The following CSMD1 variants were observed in gnomAD, a reference collection of about 807,000 sequenced individuals.
CSMD1 encodes the protein CUB and sushi domain-containing protein 1.
CSMD1 carries 213 observed loss-of-function variants against 417.5 expected under a neutral mutation model. The ratio of observed to expected loss-of-function variants is 0.51; its 90% CI spans 0.46 to 0.57. CSMD1 has a LOEUF of 0.57. Among genes scored for constraint, CSMD1 ranks in the 20% least tolerant of loss-of-function variants. The probability of loss-of-function intolerance (pLI) is 0.00; values close to 1 mark genes in which losing one functional copy is unlikely to be tolerated. For synonymous variants in CSMD1, 2,862 were observed against 1,736.8 expected (o/e 1.65, Z -16.11); for missense variants, 6,923 against 4,529.7 (o/e 1.53, Z -15.17).
intron 18 of CSMD1, among the ~76,000 whole-genome samples, chr8:3,386,140 G>C (rs1002149554): frequency 6.6e-6 from 1 of 152,122 alleles, no homozygotes; most frequent in African/African-American, 2.4e-5. Flanking sequence ...TGATGTATTA[G>C]AATTATAACC....
chr8:4,786,019 G>T (rs1229201651), intron 1 of CSMD1, among the ~76,000 whole-genome samples: 1 of 152,156 alleles, frequency 6.6e-6, no homozygotes, highest in Non-Finnish European at 1.5e-5. Flanking sequence ...AGTGGCTGGA[G>T]CTTCCTAAGA....
intron 2 of CSMD1, among the ~76,000 whole-genome samples, chr8:4,423,950 A>C (rs2128942023): frequency 6.6e-6 from 1 of 152,232 alleles, no homozygotes; most frequent in Middle Eastern, 3.4e-3. Flanking sequence ...CAACAGATTC[A>C]AAAGAAATTG....
chr8:3,811,926 G>C (rs1245469335), intron 5 of CSMD1, among the ~76,000 whole-genome samples: 2 of 152,076 alleles, frequency 1.3e-5, no homozygotes, highest in African/African-American at 2.4e-5. Flanking sequence ...AGCACATATA[G>C]ATAAAAGTCC....
At chr8:3,927,200 A>T (rs73661022) in intron 5 of CSMD1, among the ~76,000 whole-genome samples, 12,404 of 151,996 alleles carry the variant, frequency 0.082, 717 homozygotes, top group African/African-American at 0.15. Context: ...TATATCTAAC[A>T]GCTTCTAATA....
At chr8:3,390,835 G>C (rs1241525194) in intron 17 of CSMD1, among the ~76,000 whole-genome samples, 1 of 152,090 alleles carries the variant, frequency 6.6e-6, no homozygotes, top group Non-Finnish European at 1.5e-5. Context: ...TCCAAGGAAG[G>C]AATGAACATT....
chr8:4,974,915 T>C (rs1415530094), intron 1 of CSMD1, among the ~76,000 whole-genome samples: 3 of 152,210 alleles, frequency 2.0e-5, no homozygotes, highest in Non-Finnish European at 4.4e-5. Context: ...TATGTTGATA[T>C]ACTGGGGTTT....
rs190618700 is a variant in CSMD1 at position 3,491,913 on chromosome 8, G to A, written c.1448+1710C>T. Among the ~76,000 whole-genome samples the A allele has an allele frequency of 2.6e-3, 402 of 152,258 alleles. 4 individuals are homozygous for A. The highest frequency in any genetic ancestry group is 9.2e-3 in the African/African-American group (384 of 41,560). On this transcript the variant is annotated intron_variant, in intron 11 of 69. Coordinates refer to ENST00000635120, the MANE Select transcript of CSMD1 (RefSeq NM_033225.6). ...GAGACAGAATGAGAGTTTAAAAGGC[G>A]GGTCCAGGGGACCTGAGGATCCGGA... is the stretch of plus-strand genomic sequence containing the variant.
chr8:4,161,584 G>C (rs996544954), intron 3 of CSMD1, among the ~76,000 whole-genome samples: 1 of 152,122 alleles, frequency 6.6e-6, no homozygotes, highest in Non-Finnish European at 1.5e-5. Flanking sequence ...TCATCAAGCG[G>C]TACATTTTGA....
At chr8:3,587,632 G>C (rs1193780619) in intron 8 of CSMD1, among the ~76,000 whole-genome samples, 1 of 152,078 alleles carries the variant, frequency 6.6e-6, no homozygotes, top group African/African-American at 2.4e-5. Context: ...ACACTCTCTA[G>C]GGATTGCCAT....
chr8:4,550,860 T>G (rs1313739242), intron 2 of CSMD1, among the ~76,000 whole-genome samples: 1 of 152,174 alleles, frequency 6.6e-6, no homozygotes. Flanking sequence ...TTGCTCTCCT[T>G]GAAATACTTT....
intron 5 of CSMD1, among the ~76,000 whole-genome samples, chr8:3,982,703 G>A (rs111758911): frequency 4.6e-5 from 7 of 152,204 alleles, no homozygotes; most frequent in African/African-American, 7.2e-5. Context: ...CATAAGATCA[G>A]GAGGCAGAGG....
intron 2 of CSMD1, among the ~76,000 whole-genome samples, chr8:4,592,100 T>C (rs1418093130): frequency 1.3e-5 from 2 of 152,076 alleles, no homozygotes; most frequent in African/African-American, 2.4e-5. Flanking sequence ...TGGTAGATGT[T>C]TAACGAGCGG....
At position 3,108,623 on chromosome 8, in the gene CSMD1, A is replaced by C. The variant is rs781567239; in HGVS notation, c.6734T>G (p.Phe2245Cys). 18 of 1,613,824 alleles carry C rather than the reference A, an allele frequency of 1.1e-5. No individual in the cohort carries two copies. Among genetic ancestry groups the C allele is most frequent in the Admixed American group, 1.7e-5 (1 of 60,002 alleles). Residue 2245 changes from phenylalanine to cysteine, a missense_variant, in exon 44 of 70, where the codon TTC becomes TGC. Transcript: ENST00000635120. Reference sequence around the variant, plus strand: ...CTGACCGTGGAAATTGAGGACAAAGAAGCCTCCATTTGAAAAGTCGCTGTG... The same window carrying C: ...CTGACCGTGGAAATTGAGGACAAAGCAGCCTCCATTTGAAAAGTCGCTGTG... Reference protein sequence around the residue: ...KFHSDFSNGGFFVLNFHAFQL... With the variant: ...KFHSDFSNGGCFVLNFHAFQL...
intron 3 of CSMD1, among the ~76,000 whole-genome samples, chr8:4,221,202 C>T (rs576358277): frequency 2.0e-5 from 3 of 152,208 alleles, no homozygotes; most frequent in East Asian, 3.9e-4. Flanking sequence ...TTAGTCTCTG[C>T]CCCATAAATA....
intron 25 of CSMD1, among the ~76,000 whole-genome samples, chr8:3,294,025 TGTTA>T (rs1365592516): frequency 2.7e-5 from 3 of 109,212 alleles, no homozygotes; most frequent in African/African-American, 7.7e-5. Flanking sequence ...CCTTTCTGTT[TGTTA>T]GTTTTCCTTC....
intron 1 of CSMD1, among the ~76,000 whole-genome samples, chr8:4,732,592 C>G (rs1809974947): frequency 6.6e-6 from 1 of 152,146 alleles, no homozygotes; most frequent in Non-Finnish European, 1.5e-5. Flanking sequence ...GCACTGCTTT[C>G]ATGACCACCC....
intron 26 of CSMD1, among the ~76,000 whole-genome samples, chr8:3,282,995 A>C (rs773178674): frequency 1.3e-5 from 2 of 152,132 alleles, no homozygotes; most frequent in Non-Finnish European, 2.9e-5. Context: ...GGGCACTAAA[A>C]GGCTGAACTG....
At chr8:3,267,277 A>G (rs1364586710) in intron 26 of CSMD1, among the ~76,000 whole-genome samples, 1 of 152,212 alleles carries the variant, frequency 6.6e-6, no homozygotes, top group Non-Finnish European at 1.5e-5. Context: ...AAACCCCCTG[A>G]TAGCTTTGCG....
At chr8:4,026,632 T>G (rs1044609719) in intron 4 of CSMD1, among the ~76,000 whole-genome samples, 9 of 152,230 alleles carry the variant, frequency 5.9e-5, no homozygotes, top group Admixed American at 5.9e-4. Flanking sequence ...TCTTATCTCC[T>G]GGGAAGCTAC....
Sources: gnomAD v4.1 joint callset for allele counts (sites outside exome capture counted in the v4.1 genomes callset) on GRCh38, gnomAD v4.1.1 for gene constraint, MANE v1.5 for transcripts, NCBI Gene and HGNC (gene_info 2026-07-23, HGNC 2026-07-21) for gene names.